The following RAC1 variants were observed in gnomAD, a reference collection of about 807,000 sequenced individuals.
The protein encoded by RAC1 is Rac family small GTPase 1, also known as ras-related C3 botulinum toxin substrate 1.
Under a neutral mutation model 25.2 loss-of-function variants are expected in RAC1, and 2 were observed. The observed-to-expected ratio is 0.08, with a 90% CI of 0.03 to 0.25. RAC1 has a LOEUF of 0.25. RAC1 is among the 10% of genes least tolerant of loss of function. RAC1 has a pLI of 1.00. For synonymous variants in RAC1, 88 were observed against 94.0 expected (o/e 0.94, Z 0.37); for missense variants, 50 against 235.7 (o/e 0.21, Z 5.16).
chr7:6,392,073 T>C, intron 3 of RAC1, 32 bp downstream of exon 3: 3 of 1,613,630 alleles, frequency 1.9e-6, no homozygotes, highest in Non-Finnish European at 2.5e-6. Context: ...TAATGTGTCT[T>C]TTAGAGTATA....
intron 2 of RAC1, among the ~76,000 whole-genome samples, chr7:6,388,010 A>G (rs1445973857): frequency 6.6e-6 from 1 of 152,146 alleles, no homozygotes; most frequent in East Asian, 1.9e-4. Context: ...AGTTGGTTAC[A>G]TGTCCGCATT....
chr7:6,386,603 G>A lies in RAC1; in HGVS notation c.36-609G>A, dbSNP rs768036391. Among the ~76,000 whole-genome samples the A allele has an allele frequency of 4.0e-5, 6 of 151,894 alleles. No homozygotes were observed. In the Middle Eastern group the frequency reaches 0.014, roughly 344 times the overall value. Reference sequence around the variant, plus strand: ...TCGAGACCAGCCTGGCCAACATGGCGAAAACCCATCTCTACTAAAAATACA... The same window carrying A: ...TCGAGACCAGCCTGGCCAACATGGCAAAAACCCATCTCTACTAAAAATACA... On this transcript the variant is annotated intron_variant, in intron 1 of 5. Transcript: ENST00000348035.
chr7:6,395,431 G>A (rs371277951), intron 3 of RAC1, among the ~76,000 whole-genome samples: 3 of 152,202 alleles, frequency 2.0e-5, no homozygotes, highest in East Asian at 1.9e-4. Flanking sequence ...ATGTGGTTCC[G>A]CAGAACTAGA....
Position 6,385,352 on chromosome 7 carries a change from G to T in RAC1, c.36-1860G>T, listed in dbSNP as rs527275061. On this transcript the variant is annotated intron_variant, in intron 1 of 5. Transcript: ENST00000348035. The stretch of plus-strand genomic sequence containing the variant: ...TGAATTAATGCTCACAGTAGTTTGG[G>T]GATGGAGCTGGTAGTTCTGCATTAA... Among the ~76,000 whole-genome samples the T allele has an allele frequency of 2.0e-5, 3 of 152,222 alleles. No homozygotes were observed. In the South Asian group the frequency reaches 6.2e-4, roughly 32 times the overall value.
intron 1 of RAC1, 36 bp downstream of exon 1, chr7:6,374,806 G>T: frequency 9.0e-7 from 1 of 1,105,732 alleles, no homozygotes; most frequent in Middle Eastern, 3.5e-4. Context: ...GGAGGCCGCG[G>T]GATCGGGCGC....
chr7:6,385,652 T>C (rs1311003923), intron 1 of RAC1, among the ~76,000 whole-genome samples: 2 of 152,216 alleles, frequency 1.3e-5, no homozygotes, highest in Admixed American at 6.5e-5. Flanking sequence ...GTTCCAACTT[T>C]TGTTAAGCCC....
intron 3 of RAC1, among the ~76,000 whole-genome samples, chr7:6,394,941 A>G (rs34609484): frequency 2.6e-4 from 39 of 151,784 alleles, no homozygotes; most frequent in Admixed American, 1.2e-3. Flanking sequence ...TGCAAGCTTC[A>G]CCTCCTGGGT....
chr7:6,382,610 C>T (rs185853200), intron 1 of RAC1, among the ~76,000 whole-genome samples: 145 of 152,264 alleles, frequency 9.5e-4, no homozygotes, highest in African/African-American at 3.2e-3. Context: ...ACGCCTGTAA[C>T]CCCAGCACTT....
chr7:6,387,322 C>T (rs3729789), intron 2 of RAC1, 39 bp downstream of exon 2: 14,911 of 1,371,538 alleles, frequency 0.011, 175 homozygotes, highest in South Asian at 0.031. Flanking sequence ...GTTTGTGTTA[C>T]GGGTTTCACA....
At chr7:6,398,532 C>T in intron 3 of RAC1, 1 of 706,920 alleles carries the variant, frequency 1.4e-6, no homozygotes, top group Non-Finnish European at 2.4e-6. Context: ...ATGTTAGAAT[C>T]TATTGTATGC....
chr7:6,394,722 C>G (rs998375346), intron 3 of RAC1, among the ~76,000 whole-genome samples: 2 of 152,106 alleles, frequency 1.3e-5, no homozygotes, highest in Admixed American at 6.6e-5. Context: ...CTCTTGTTGC[C>G]CAGGCTGGAG....
intron 1 of RAC1, among the ~76,000 whole-genome samples, chr7:6,374,996 G>C (rs1468747544): frequency 6.6e-6 from 1 of 151,806 alleles, no homozygotes; most frequent in African/African-American, 2.4e-5. Flanking sequence ...GGGCCTCGCC[G>C]CTCGCCGGCT....
At chr7:6,376,552 G>C (rs1204329077) in intron 1 of RAC1, among the ~76,000 whole-genome samples, 1 of 147,888 alleles carries the variant, frequency 6.8e-6, no homozygotes, top group Non-Finnish European at 1.5e-5. Context: ...GCCCAGGCTG[G>C]AGTGCAATGG....
chr7:6,400,251 T>A, intron 4 of RAC1, 63 bp downstream of exon 4: 1 of 1,429,904 alleles, frequency 7.0e-7, no homozygotes, highest in Non-Finnish European at 9.8e-7. Context: ...ATAAATACTT[T>A]AAAATATCAC....
At chr7:6,383,715 A>T (rs10238136) in intron 1 of RAC1, among the ~76,000 whole-genome samples, 11,324 of 151,342 alleles carry the variant, frequency 0.075, 753 homozygotes, top group African/African-American at 0.17. Flanking sequence ...ATAACAGTCA[A>T]AACCTTCATA....
At chr7:6,381,681 C>T (rs1298950584) in intron 1 of RAC1, among the ~76,000 whole-genome samples, 1 of 152,142 alleles carries the variant, frequency 6.6e-6, no homozygotes, top group Admixed American at 6.6e-5. Flanking sequence ...AGGCATGAGC[C>T]ACCGTGCCTG....
chr7:6,380,709 G>C (rs886275038), intron 1 of RAC1, among the ~76,000 whole-genome samples: 1 of 152,150 alleles, frequency 6.6e-6, no homozygotes, highest in Non-Finnish European at 1.5e-5. Flanking sequence ...CTAGTGGAAA[G>C]CATTGTACAG....
chr7:6,388,506 G>A (rs1429823277), intron 2 of RAC1, among the ~76,000 whole-genome samples: 1 of 151,860 alleles, frequency 6.6e-6, no homozygotes, highest in Non-Finnish European at 1.5e-5. Flanking sequence ...CACCACACCT[G>A]GCTAATTTTT....
intron 1 of RAC1, among the ~76,000 whole-genome samples, chr7:6,386,952 T>C (rs937883206): frequency 2.0e-5 from 3 of 152,130 alleles, no homozygotes; most frequent in Non-Finnish European, 4.4e-5. Context: ...TTCTTGACTA[T>C]TAATGCTAAC....
Sources: gnomAD v4.1 joint callset for allele counts (sites outside exome capture counted in the v4.1 genomes callset) on GRCh38, gnomAD v4.1.1 for gene constraint, MANE v1.5 for transcripts, NCBI Gene and HGNC (gene_info 2026-07-23, HGNC 2026-07-21) for gene names.